The following THSD7B variants were observed in gnomAD, a reference collection of about 807,000 sequenced individuals.
The protein encoded by THSD7B is thrombospondin type 1 domain containing 7B.
In THSD7B, 138 loss-of-function variants were observed where a neutral mutation model predicts 213.6. The ratio of observed to expected loss-of-function variants is 0.65; its 90% CI spans 0.56 to 0.74. The LOEUF (loss-of-function observed/expected upper bound fraction) is 0.74. Among genes scored for constraint, THSD7B ranks in the 30% least tolerant of loss-of-function variants. The pLI is 0.00. For missense variants in THSD7B, 1,931 were observed against 1,991.5 expected (o/e 0.97, Z 0.58); for synonymous variants, 742 against 687.0 (o/e 1.08, Z -1.25).
At chr2:137,459,752 A>G (rs1687846541) in intron 15 of THSD7B, among the ~76,000 whole-genome samples, 1 of 152,184 alleles carries the variant, frequency 6.6e-6, no homozygotes, top group Non-Finnish European at 1.5e-5. Flanking sequence ...TTTATTGATC[A>G]TAACCGTTAT....
At chr2:136,960,884 T>C (rs1010434941) in intron 2 of THSD7B, among the ~76,000 whole-genome samples, 1 of 151,522 alleles carries the variant, frequency 6.6e-6, no homozygotes. Flanking sequence ...GGTCAGGAGA[T>C]CAAGACCATC....
chr2:137,069,639 A>G (rs528167874), intron 3 of THSD7B, among the ~76,000 whole-genome samples: 3 of 152,066 alleles, frequency 2.0e-5, no homozygotes, highest in East Asian at 3.9e-4. Context: ...GATTTTTTAA[A>G]AAGCCATCAT....
At chr2:137,127,729 T>C (rs1573839771) in intron 5 of THSD7B, among the ~76,000 whole-genome samples, 1 of 152,078 alleles carries the variant, frequency 6.6e-6, no homozygotes, top group African/African-American at 2.4e-5. Flanking sequence ...CTAGCCTGGC[T>C]AACATGGTGA....
At chr2:136,941,164 G>A (rs557589870) in intron 2 of THSD7B, among the ~76,000 whole-genome samples, 138 of 152,116 alleles carry the variant, frequency 9.1e-4, no homozygotes, top group Non-Finnish European at 1.6e-3. Context: ...CTTCATCCAC[G>A]TCCCTGCAAA....
intron 12 of THSD7B, among the ~76,000 whole-genome samples, chr2:137,339,465 G>C (rs892400324): frequency 1.3e-5 from 2 of 151,990 alleles, no homozygotes; most frequent in Admixed American, 1.3e-4. Context: ...ATTGTGAGGG[G>C]ATGGATTGGG....
chr2:137,005,748 G>C (rs1056641341), intron 2 of THSD7B, among the ~76,000 whole-genome samples: 2 of 152,074 alleles, frequency 1.3e-5, no homozygotes, highest in African/African-American at 4.8e-5. Context: ...TAGCAGAATC[G>C]TGTTGTATTG....
intron 2 of THSD7B, among the ~76,000 whole-genome samples, chr2:136,922,902 A>G (rs1177458856): frequency 1.3e-5 from 2 of 152,156 alleles, no homozygotes; most frequent in Non-Finnish European, 2.9e-5. Context: ...CATGGAGTTT[A>G]TGTGAATTTG....
At chr2:136,810,705 A>T (rs1682361375) in intron 1 of THSD7B, among the ~76,000 whole-genome samples, 1 of 152,218 alleles carries the variant, frequency 6.6e-6, no homozygotes, top group Admixed American at 6.5e-5. Flanking sequence ...GTCGTTATAT[A>T]GTATAATTAG....
intron 5 of THSD7B, among the ~76,000 whole-genome samples, chr2:137,121,646 T>A (rs1688549051): frequency 6.6e-6 from 1 of 152,196 alleles, no homozygotes. Flanking sequence ...TCTTCCTGAT[T>A]TCTAACTATT....
chr2:136,865,299 A>G (rs1409498941), intron 1 of THSD7B, among the ~76,000 whole-genome samples: 1 of 152,220 alleles, frequency 6.6e-6, no homozygotes, highest in Non-Finnish European at 1.5e-5. Context: ...TTGGAGCTTC[A>G]TTGCATTGGG....
At chr2:137,246,897 T>C (rs1362690451) in intron 10 of THSD7B, among the ~76,000 whole-genome samples, 2 of 152,212 alleles carry the variant, frequency 1.3e-5, no homozygotes, top group Non-Finnish European at 2.9e-5. Flanking sequence ...CCTTTAGTTT[T>C]TTCAATGGAC....
intron 12 of THSD7B, among the ~76,000 whole-genome samples, chr2:137,362,769 T>C (rs551076605): frequency 4.5e-4 from 69 of 152,250 alleles, no homozygotes; most frequent in Non-Finnish European, 8.4e-4. Context: ...AGACTTATAC[T>C]CCCACACAAT....
intron 15 of THSD7B, among the ~76,000 whole-genome samples, chr2:137,545,867 A>G (rs1172758107): frequency 6.6e-6 from 1 of 151,844 alleles, no homozygotes; most frequent in African/African-American, 2.4e-5. Context: ...CCCTTATGCC[A>G]TCAGGGTCTG....
At chr2:136,845,746 T>TG (rs1278830984) in intron 1 of THSD7B, among the ~76,000 whole-genome samples, 2 of 152,188 alleles carry the variant, frequency 1.3e-5, no homozygotes, top group African/African-American at 4.8e-5. Context: ...TAAGGCAAGA[T>TG]GTGCTTGTTT....
chr2:137,565,564 C>T (rs1257691849), intron 16 of THSD7B, among the ~76,000 whole-genome samples: 1 of 152,156 alleles, frequency 6.6e-6, no homozygotes, highest in African/African-American at 2.4e-5. Flanking sequence ...TTAAAGGCCT[C>T]ACGTCTTGGT....
At chr2:137,598,879 T>A (rs945884593) in intron 17 of THSD7B, among the ~76,000 whole-genome samples, 7 of 77,132 alleles carry the variant, frequency 9.1e-5, no homozygotes, top group African/African-American at 8.8e-4. Flanking sequence ...TTTTGGTTCT[T>A]TTTTTTTTTT....
rs1230669700 is a variant in THSD7B, at chr2:137,357,725, C to G, written c.2501-47888C>G. On this transcript the variant is annotated intron_variant, in intron 12 of 27. Transcript: ENST00000409968. ...GCATGACCAGTTCTCCTACCCACCA[C>G]TCTCTACTCTTCCACTCCCAAATGT... 4.6e-5 allele frequency among the ~76,000 whole-genome samples: 7 copies of G among 152,206 alleles called. No homozygotes were observed. In the South Asian group the frequency reaches 1.2e-3, roughly 27 times the overall value.
intron 1 of THSD7B, among the ~76,000 whole-genome samples, chr2:136,832,175 TTGTGTGTGTG>T (rs376949671): frequency 5.5e-5 from 4 of 72,912 alleles, no homozygotes; most frequent in Non-Finnish European, 1.3e-4. Context: ...ATACATCCTA[TTGTGTGTGTG>T]TGTGTGTGTG....
At chr2:137,151,761 G>A (rs189594908) in intron 5 of THSD7B, among the ~76,000 whole-genome samples, 51 of 152,224 alleles carry the variant, frequency 3.4e-4, no homozygotes, top group African/African-American at 1.1e-3. Context: ...AGCACCACAG[G>A]TCTGTTTATA....
Sources: allele counts gnomAD v4.1 joint callset (sites outside exome capture counted in the v4.1 genomes callset), GRCh38; gene constraint gnomAD v4.1.1; transcripts MANE v1.5; gene names NCBI Gene and HGNC (gene_info 2026-07-23, HGNC 2026-07-21).